DBF4B: variants seen among roughly 807,000 people sequenced by gnomAD.
DBF4B encodes DBF4B-CDC7 kinase regulatory subunit.
In DBF4B, 49 loss-of-function variants were observed where a neutral mutation model predicts 53.4. That is an observed-to-expected ratio of 0.92 (90% CI 0.73 to 1.16). The LOEUF (loss-of-function observed/expected upper bound fraction) is 1.16. Ranked by LOEUF, DBF4B falls within the 50% of genes most tolerant of loss-of-function variation. The pLI, the probability that DBF4B is intolerant of heterozygous loss-of-function variation, is 0.00. For synonymous variants in DBF4B, 257 were observed against 288.7 expected (o/e 0.89, Z 1.11); for missense variants, 692 against 775.0 (o/e 0.89, Z 1.27).
chr17:44,751,833 C>G lies in DBF4B; in HGVS notation c.*580C>G, dbSNP rs899342577. On this transcript the variant is annotated 3_prime_UTR_variant, in exon 14 of 14. Transcript: ENST00000315005. Reference sequence around the variant, plus strand: ...AGTTGGTTCCTTTTCTCCTTTCTTTCCTCCTTGAAGCCTGGCTCCCTTGGT... The same window carrying G: ...AGTTGGTTCCTTTTCTCCTTTCTTTGCTCCTTGAAGCCTGGCTCCCTTGGT... The G allele has an allele frequency of 3.9e-6, 6 of 1,533,900 alleles. No individual in the cohort carries two copies. The highest frequency in any genetic ancestry group is 5.2e-6 in the Non-Finnish European group (6 of 1,145,502).
At position 44,741,357 on chromosome 17, in the gene DBF4B, T is replaced by A; in HGVS notation, c.735T>A (p.His245Gln). 6.2e-7 allele frequency: 1 copy of A among 1,613,342 alleles called. No homozygotes were observed. Among genetic ancestry groups the A allele is most frequent in the South Asian group, 1.1e-5 (1 of 91,054 alleles). The part of the protein sequence containing the change: ...DESRKFRPFH[H>Q]QFKSFPEISF... ...GCAGGAAGTTTCGTCCTTTCCATCA[T>A]CAGTTTAAATCCTTTCCTGAAATTT... The change falls in exon 10 of 14, where the codon CAT becomes CAA. Residue 245 changes from histidine to glutamine, a missense_variant. This residue lies in a region of DBF4B where 597 missense variants were observed against 665.8 expected (regional missense o/e 0.90). Coordinates refer to ENST00000315005, the MANE Select transcript of DBF4B (RefSeq NM_145663.3).
rs917653291 is a variant in DBF4B, at chr17:44,710,303, G to GT, written c.82+945dup. Among the ~76,000 whole-genome samples the GT allele has an allele frequency of 4.6e-5, 7 of 151,838 alleles. No individual in the cohort carries two copies. The East Asian group carries it at 1.2e-3, about 25-fold the overall frequency. On this transcript the variant is annotated intron_variant, in intron 2 of 13. Coordinates refer to ENST00000315005, the MANE Select transcript of DBF4B (RefSeq NM_145663.3). ...TATTCATTCTTCCCATCTCTTGTTGGTTTTTTTTCCCCCTTCTGTTTCTCT... is the reference window on the plus strand; with the variant it reads ...TATTCATTCTTCCCATCTCTTGTTGGTTTTTTTTTCCCCCTTCTGTTTCTCT...
intron 9 of DBF4B, among the ~76,000 whole-genome samples, chr17:44,738,881 T>A (rs1975724250): frequency 6.6e-6 from 1 of 152,228 alleles, no homozygotes; most frequent in Non-Finnish European, 1.5e-5. Flanking sequence ...CAGGCCACCC[T>A]GTACTTGATA....
At chr17:44,715,790 A>G (rs1973270197) in intron 2 of DBF4B, among the ~76,000 whole-genome samples, 1 of 101,402 alleles carries the variant, frequency 9.9e-6, no homozygotes, top group Non-Finnish European at 2.1e-5. Context: ...TCTGTTTGTT[A>G]GCCTAATTTC....
intron 7 of DBF4B, among the ~76,000 whole-genome samples, chr17:44,735,453 G>A (rs539476576): frequency 2.6e-5 from 4 of 152,280 alleles, no homozygotes; most frequent in East Asian, 3.9e-4. Context: ...CAGGTGAATC[G>A]CTTGAGGTCG....
chr17:44,711,034 G>C (rs1972826739), intron 2 of DBF4B, among the ~76,000 whole-genome samples: 1 of 138,676 alleles, frequency 7.2e-6, no homozygotes, highest in Admixed American at 7.4e-5. Context: ...CGCCCAGGCT[G>C]GAGTGCAGTG....
chr17:44,737,011 C>T, intron 8 of DBF4B, 145 bp downstream of exon 8: 1 of 996,156 alleles, frequency 1.0e-6, no homozygotes, highest in Non-Finnish European at 1.5e-6. Context: ...TTTCCAGGGC[C>T]TGGTCCTCAG....
chr17:44,726,564 C>T (rs973538666), intron 3 of DBF4B, among the ~76,000 whole-genome samples: 1 of 151,682 alleles, frequency 6.6e-6, no homozygotes, highest in Non-Finnish European at 1.5e-5. Context: ...ATCCAGCTGG[C>T]GTTAGTACAT....
chr17:44,724,657 G>T (rs1974136829), intron 3 of DBF4B, among the ~76,000 whole-genome samples: 1 of 152,132 alleles, frequency 6.6e-6, no homozygotes, highest in African/African-American at 2.4e-5. Flanking sequence ...GGGATTATAG[G>T]CGTGAGCCAC....
In DBF4B at chr17:44,708,859, G is replaced by A. The variant is rs1173039809; in HGVS notation, c.19+20G>A. The A allele has an allele frequency of 1.3e-6, 2 of 1,551,068 alleles. No homozygotes were observed. The highest frequency in any genetic ancestry group is 1.7e-6 in the Non-Finnish European group (2 of 1,146,800). ...GAAAGGGTACGGATGCCGGGAAGGG[G>A]AGAAAGAAAGGCGGAAGGGGTCGTT... On this transcript the variant is annotated intron_variant, in intron 1 of 13. Coordinates refer to ENST00000315005, the MANE Select transcript of DBF4B (RefSeq NM_145663.3).
At chr17:44,750,257 C>T in intron 13 of DBF4B, 2 of 1,050,812 alleles carry the variant, frequency 1.9e-6, no homozygotes, top group Non-Finnish European at 2.3e-6. Flanking sequence ...GCCACTTTTT[C>T]TTTCATTACA....
intron 2 of DBF4B, among the ~76,000 whole-genome samples, chr17:44,714,173 AG>A (rs1203709098): frequency 1.3e-5 from 2 of 152,012 alleles, no homozygotes; most frequent in African/African-American, 4.8e-5. Context: ...GGATTTGATG[AG>A]GGGGAAGGTT....
chr17:44,730,929 T>C, intron 4 of DBF4B, 36 bp from the exon 5 acceptor site: 1 of 1,611,844 alleles, frequency 6.2e-7, no homozygotes, highest in Middle Eastern at 1.7e-4. Flanking sequence ...ACAGGTGGCC[T>C]AACAGCAGAC....
chr17:44,732,948 G>C (rs558855922), intron 6 of DBF4B: 1 of 151,726 alleles, frequency 6.6e-6, no homozygotes, highest in East Asian at 1.9e-4. Context: ...GGCAGATCAC[G>C]AGGTCAGGAT....
rs2049199816 is a variant in DBF4B, at chr17:44,749,096, C to T, written c.1189+631C>T. ...ACAGCTCCAGGCTGGCCATCAGCTC[C>T]CCTGTACTCAGCTACCAGTGTGCAG... On this transcript the variant is annotated intron_variant, in intron 13 of 13. Coordinates refer to ENST00000315005, the MANE Select transcript of DBF4B (RefSeq NM_145663.3). This position sits in a 1 kb window ranked among gnomAD's most constrained non-coding sequence, Gnocchi z 4.4. The T allele has an allele frequency of 7.8e-7, 1 of 1,289,660 alleles. No homozygotes were observed. Among genetic ancestry groups the T allele is most frequent in the Non-Finnish European group, 1.0e-6 (1 of 988,848 alleles). The allele number at this position is 1,289,660 out of a possible 1,614,324, so 79.9% of individuals were successfully genotyped here.
chr17:44,720,153 C>G, intron 2 of DBF4B: 2 of 328,762 alleles, frequency 6.1e-6, no homozygotes, highest in Non-Finnish European at 1.2e-5. Context: ...TGGTGATGAT[C>G]AGAATCGTCC....
chr17:44,730,330 A>T (rs1211512492), intron 4 of DBF4B, among the ~76,000 whole-genome samples: 1 of 152,200 alleles, frequency 6.6e-6, no homozygotes, highest in East Asian at 1.9e-4. Context: ...TGAAAGTCAG[A>T]GGTTTAGAAA....
At chr17:44,724,981 C>A in intron 3 of DBF4B, among the ~76,000 whole-genome samples, 3 of 152,006 alleles carry the variant, frequency 2.0e-5, no homozygotes, top group Middle Eastern at 6.8e-3. Flanking sequence ...CCGGGTGTGG[C>A]GGCACATGCC....
intron 10 of DBF4B, among the ~76,000 whole-genome samples, chr17:44,743,713 C>T (rs997879758): frequency 7.3e-5 from 11 of 151,056 alleles, no homozygotes; most frequent in Non-Finnish European, 1.3e-4. Flanking sequence ...CAGGTTCACG[C>T]GATTCTCCTC....
Sources: allele counts gnomAD v4.1 joint callset (sites outside exome capture counted in the v4.1 genomes callset), GRCh38; gene constraint gnomAD v4.1.1; regional missense constraint gnomAD v4.1.1; non-coding constraint Gnocchi (gnomAD v3.1); transcripts MANE v1.5; gene names NCBI Gene and HGNC (gene_info 2026-07-23, HGNC 2026-07-21).